KIF6: variants seen among roughly 807,000 people sequenced by gnomAD.
KIF6 encodes kinesin-like protein KIF6.
In KIF6, 106 loss-of-function variants were observed where a neutral mutation model predicts 112.7. The ratio of observed to expected loss-of-function variants is 0.94; its 90% confidence interval spans 0.80 to 1.11. The LOEUF (loss-of-function observed/expected upper bound fraction) is 1.11, where lower values mean the gene tolerates loss of function less well. Among genes scored for constraint, KIF6 ranks in the 50% least tolerant of loss-of-function variants. The pLI is 0.00. For synonymous variants in KIF6, 339 were observed against 339.9 expected (o/e 1.00, Z 0.03); for missense variants, 929 against 964.0 (o/e 0.96, Z 0.48).
chr6:39,344,773 G>A (rs1462790726), intron 21 of KIF6, among the ~76,000 whole-genome samples: 1 of 152,116 alleles, frequency 6.6e-6, no homozygotes, highest in African/African-American at 2.4e-5. Flanking sequence ...TCCCCACGTG[G>A]CTTAGCTAGT....
chr6:39,615,667 A>G (rs1369307593), intron 5 of KIF6, among the ~76,000 whole-genome samples: 1 of 152,150 alleles, frequency 6.6e-6, no homozygotes, highest in Non-Finnish European at 1.5e-5. Context: ...TATCCCTTCT[A>G]GTAGACACAT....
intron 22 of KIF6, among the ~76,000 whole-genome samples, chr6:39,337,250 C>CTTTTTTTTTTTTTTT (rs1160608543): frequency 2.4e-5 from 1 of 40,878 alleles, no homozygotes. Context: ...TCTTTCTTTT[C>CTTTTTTTTTTTTTTT]TTTCCCTCCC....
At chr6:39,657,906 A>T (rs1015006423) in intron 3 of KIF6, among the ~76,000 whole-genome samples, 1 of 151,620 alleles carries the variant, frequency 6.6e-6, no homozygotes, top group African/African-American at 2.4e-5. Flanking sequence ...AGTGATCTCA[A>T]CAAGATGCCT....
At position 39,336,102 on chromosome 6, in the gene KIF6, G is replaced by A. The variant is rs116706958; in HGVS notation, c.*430C>T. 1,661 of 163,024 alleles carry A rather than the reference G, an allele frequency of 0.01. 31 individuals are homozygous for A. Among genetic ancestry groups the A allele is most frequent in the African/African-American group, 0.037 (1,537 of 41,754 alleles). 10.1% of individuals were successfully genotyped at this position (163,024 alleles called of 1,614,324 possible). A position where few individuals can be genotyped will look rare whatever the true frequency, so the allele number is the denominator to read the frequency against. ...GCTTCCAAACCAGAGCACGGGCCAA[G>A]GGAGAGAGCTGGCAAATCGTTAAAA... On this transcript the variant is annotated 3_prime_UTR_variant, in exon 23 of 23. Coordinates refer to ENST00000287152, the MANE Select transcript of KIF6 (RefSeq NM_145027.6).
At chr6:39,356,698 T>G (rs1764717272) in intron 19 of KIF6, among the ~76,000 whole-genome samples, 1 of 152,158 alleles carries the variant, frequency 6.6e-6, no homozygotes, top group South Asian at 2.1e-4. Context: ...TGGCATCAGA[T>G]GGACAATGGC....
At chr6:39,510,187 G>A (rs1458846577) in intron 13 of KIF6, among the ~76,000 whole-genome samples, 14 of 150,904 alleles carry the variant, frequency 9.3e-5, no homozygotes, top group East Asian at 7.8e-4. Context: ...TCCGCCTTCC[G>A]GGTTCATGCC....
intron 19 of KIF6, among the ~76,000 whole-genome samples, chr6:39,348,801 C>A (rs980612647): frequency 1.3e-5 from 2 of 152,304 alleles, no homozygotes; most frequent in South Asian, 4.1e-4. Flanking sequence ...AGAAGACCAG[C>A]GCCCCGCTAC....
intron 3 of KIF6, among the ~76,000 whole-genome samples, chr6:39,653,716 G>A (rs1785603887): frequency 1.3e-5 from 2 of 152,148 alleles, no homozygotes; most frequent in South Asian, 4.1e-4. Flanking sequence ...GGGCAGAAGT[G>A]CTCCCCACCA....
Position 39,544,557 on chromosome 6 carries a change from A to G in KIF6, c.1424T>C (p.Ile475Thr), listed in dbSNP as rs777943786. 45 of 1,611,386 alleles carry G rather than the reference A, an allele frequency of 2.8e-5. 1 individual carries two copies. The highest frequency in any genetic ancestry group is 3.8e-5 in the Non-Finnish European group (45 of 1,179,224). ...RDILKQRDNE[I>T]NILVNMLKKE... ...CTTCATCACTTCAGAAAGGATACTG[A>G]TTTCGTTATCTCTCTGTTTCAGAAT... The change falls in exon 12 of 23, where the codon ATC becomes ACC. Residue 475 changes from isoleucine to threonine, a missense_variant and splice_region_variant. Ile to Thr is a moderately conservative substitution (Grantham distance 89). This residue lies in a region of KIF6 where 688 missense variants were observed against 662.7 expected (regional missense o/e 1.04). Transcript: ENST00000287152.
intron 3 of KIF6, among the ~76,000 whole-genome samples, chr6:39,703,075 ACC>A (rs202010511): frequency 2.7e-4 from 5 of 18,710 alleles, no homozygotes; most frequent in East Asian, 0.011. Flanking sequence ...AAATCCACCA[ACC>A]CCCCACCCCC....
At chr6:39,601,711 GACACACACACAC>G (rs10532285) in intron 6 of KIF6, among the ~76,000 whole-genome samples, 4 of 147,386 alleles carry the variant, frequency 2.7e-5, no homozygotes, top group South Asian at 2.2e-4. Context: ...ATTTCTTTGG[GACACACACACAC>G]ACACACACAC....
At chr6:39,466,416 C>T (rs994256766) in intron 13 of KIF6, among the ~76,000 whole-genome samples, 1 of 152,160 alleles carries the variant, frequency 6.6e-6, no homozygotes, top group Non-Finnish European at 1.5e-5. Flanking sequence ...CAATCAAAGT[C>T]AGTGAAAATT....
chr6:39,379,134 T>A (rs1026182307), intron 16 of KIF6, among the ~76,000 whole-genome samples: 14 of 152,252 alleles, frequency 9.2e-5, no homozygotes, highest in African/African-American at 3.4e-4. Flanking sequence ...TTTCTGCAGA[T>A]AAATTAGTTA....
At chr6:39,554,770 C>A in intron 10 of KIF6, 1 of 161,048 alleles carries the variant, frequency 6.2e-6, no homozygotes, top group Non-Finnish European at 1.4e-5. Flanking sequence ...TTGGATCTCA[C>A]ACAAGAACAC....
chr6:39,453,175 T>C (rs925755622), intron 13 of KIF6, among the ~76,000 whole-genome samples: 1 of 152,226 alleles, frequency 6.6e-6, no homozygotes, highest in Non-Finnish European at 1.5e-5. Context: ...CCTGTTTCAT[T>C]AATGGTCTTT....
At chr6:39,368,798 G>A (rs566311140) in intron 16 of KIF6, among the ~76,000 whole-genome samples, 2 of 152,196 alleles carry the variant, frequency 1.3e-5, no homozygotes, top group African/African-American at 2.4e-5. Context: ...AAATTTCCAA[G>A]CATTCACCAA....
intron 13 of KIF6, among the ~76,000 whole-genome samples, chr6:39,504,109 A>G (rs972756405): frequency 5.3e-5 from 8 of 152,186 alleles, no homozygotes; most frequent in Non-Finnish European, 8.8e-5. Context: ...AATCCTCAAC[A>G]AAATAATGGC....
intron 15 of KIF6, among the ~76,000 whole-genome samples, chr6:39,409,384 G>A (rs948260991): frequency 6.6e-6 from 1 of 152,192 alleles, no homozygotes; most frequent in African/African-American, 2.4e-5. Flanking sequence ...GAAACTGCCT[G>A]GGCTGGGCTT....
At chr6:39,350,779 C>T (rs1764181870) in intron 19 of KIF6, among the ~76,000 whole-genome samples, 1 of 152,212 alleles carries the variant, frequency 6.6e-6, no homozygotes, top group Non-Finnish European at 1.5e-5. Context: ...GCCCCTAGAG[C>T]TCTTCCTTTC....
Sources: gnomAD v4.1 joint callset for allele counts (sites outside exome capture counted in the v4.1 genomes callset) on GRCh38, gnomAD v4.1.1 for gene constraint, gnomAD v4.1.1 regional missense constraint, MANE v1.5 for transcripts, NCBI Gene and HGNC (gene_info 2026-07-23, HGNC 2026-07-21) for gene names.